GALNT17: variants seen among roughly 807,000 people sequenced by gnomAD.
The protein encoded by GALNT17 is polypeptide N-acetylgalactosaminyltransferase 17.
In GALNT17, 29 loss-of-function variants were observed where a neutral mutation model predicts 63.7. The ratio of observed to expected loss-of-function variants is 0.46; its 90% CI spans 0.34 to 0.62. The LOEUF is 0.62. GALNT17 is among the 20% of genes least tolerant of loss of function. The pLI, the probability that GALNT17 is intolerant of heterozygous loss-of-function variation, is 0.01. For missense variants in GALNT17, 603 were observed against 799.6 expected, an observed-to-expected ratio of 0.75 and a Z score of 2.97; for synonymous variants, 305 against 318.3, an observed-to-expected ratio of 0.96 and a Z score of 0.45.
intron 5 of GALNT17, among the ~76,000 whole-genome samples, chr7:71,452,830 G>C (rs764369389): frequency 1.3e-5 from 2 of 152,188 alleles, no homozygotes; most frequent in Middle Eastern, 3.4e-3. Flanking sequence ...TTGTTTTTTT[G>C]TTGTTGTTGT....
At chr7:71,164,723 A>C (rs944856105) in intron 1 of GALNT17, among the ~76,000 whole-genome samples, 8 of 152,198 alleles carry the variant, frequency 5.3e-5, no homozygotes, top group African/African-American at 1.9e-4. Context: ...GTGACAAGGT[A>C]CTTATTTTAT....
chr7:71,553,855 C>T (rs756791977), intron 5 of GALNT17, among the ~76,000 whole-genome samples: 3 of 152,210 alleles, frequency 2.0e-5, no homozygotes, highest in Admixed American at 6.5e-5. Flanking sequence ...TGTTAAGGGT[C>T]GCTCTTCCCC....
chr7:71,681,314 G>A (rs1791258404), intron 9 of GALNT17, among the ~76,000 whole-genome samples: 1 of 152,220 alleles, frequency 6.6e-6, no homozygotes, highest in African/African-American at 2.4e-5. Context: ...CTGGGGGTGG[G>A]AGAGGTGATA....
chr7:71,320,631 T>C (rs938717790), intron 1 of GALNT17, among the ~76,000 whole-genome samples: 12 of 152,096 alleles, frequency 7.9e-5, no homozygotes, highest in Non-Finnish European at 1.8e-4. Flanking sequence ...AAGAATTGGA[T>C]GTGTATTTAA....
At chr7:71,318,805 A>G (rs2115987913) in intron 1 of GALNT17, among the ~76,000 whole-genome samples, 1 of 152,282 alleles carries the variant, frequency 6.6e-6, no homozygotes, top group South Asian at 2.1e-4. Flanking sequence ...ATGTTCTGTA[A>G]TTCATGAAAC....
At chr7:71,569,815 A>G (rs1212704617) in intron 5 of GALNT17, among the ~76,000 whole-genome samples, 2 of 152,120 alleles carry the variant, frequency 1.3e-5, no homozygotes, top group African/African-American at 2.4e-5. Flanking sequence ...TGATTTTGCT[A>G]TTGTGAATAT....
intron 1 of GALNT17, among the ~76,000 whole-genome samples, chr7:71,334,279 G>A (rs1791859063): frequency 1.3e-5 from 2 of 152,210 alleles, no homozygotes; most frequent in Admixed American, 1.3e-4. Flanking sequence ...CACTACCGGA[G>A]CAGGTTTCCT....
chr7:71,182,247 G>A (rs1462777252), intron 1 of GALNT17, among the ~76,000 whole-genome samples: 1 of 152,230 alleles, frequency 6.6e-6, no homozygotes, highest in Admixed American at 6.5e-5. Context: ...TTCTGGTTCA[G>A]TAAGAGGTGG....
chr7:71,253,911 T>A (rs541500887), intron 1 of GALNT17, among the ~76,000 whole-genome samples: 1 of 152,226 alleles, frequency 6.6e-6, no homozygotes, highest in Admixed American at 6.5e-5. Flanking sequence ...AAGAGTCAAA[T>A]TCTGTAAGAT....
In GALNT17 at chr7:71,397,941, TTTGTTGTTG is replaced by T. The variant is rs111851668; in HGVS notation, c.589+9570_589+9578del. On this transcript the variant is annotated intron_variant, in intron 3 of 10. Coordinates refer to ENST00000333538, the MANE Select transcript of GALNT17 (RefSeq NM_022479.3). ...TTGATGGTTTTGCTCCATTATTGTC[TTTGTTGTTG>T]TTGTTGTTGTTGTTGTTGTTGTTGT... Among the ~76,000 whole-genome samples the T allele has an allele frequency of 8.8e-3, 1,323 of 150,728 alleles. 21 individuals carry two copies. The highest frequency in any genetic ancestry group is 0.028 in the African/African-American group (1,167 of 41,026).
intron 5 of GALNT17, among the ~76,000 whole-genome samples, chr7:71,530,779 AG>A (rs1007890634): frequency 3.0e-4 from 46 of 152,066 alleles, no homozygotes; most frequent in African/African-American, 1.1e-3. Flanking sequence ...TGTGTTAGCC[AG>A]GATGGTCTCG....
intron 1 of GALNT17, among the ~76,000 whole-genome samples, chr7:71,137,707 C>G (rs1585830391): frequency 6.6e-6 from 1 of 152,206 alleles, no homozygotes; most frequent in South Asian, 2.1e-4. Flanking sequence ...CTAGTCTTCA[C>G]CTTCCTGACT....
intron 5 of GALNT17, among the ~76,000 whole-genome samples, chr7:71,478,819 A>C (rs1352212224): frequency 1.3e-5 from 2 of 152,220 alleles, no homozygotes; most frequent in African/African-American, 4.8e-5. Flanking sequence ...AGAGACATTT[A>C]ACTTTGAAAG....
intron 5 of GALNT17, among the ~76,000 whole-genome samples, chr7:71,489,836 T>A (rs1787977265): frequency 1.3e-5 from 2 of 152,208 alleles, no homozygotes; most frequent in African/African-American, 4.8e-5. Flanking sequence ...CTCAATCTCC[T>A]GTATGGCTGG....
At chr7:71,289,360 A>C (rs538593622) in intron 1 of GALNT17, among the ~76,000 whole-genome samples, 1 of 152,128 alleles carries the variant, frequency 6.6e-6, no homozygotes, top group African/African-American at 2.4e-5. Context: ...AGATATATTT[A>C]TATGTAGTTT....
chr7:71,568,373 G>T (rs775053225), intron 5 of GALNT17, among the ~76,000 whole-genome samples: 1 of 152,160 alleles, frequency 6.6e-6, no homozygotes, highest in Non-Finnish European at 1.5e-5. Flanking sequence ...TTTGCATCTT[G>T]TGCTTGAGAC....
At chr7:71,599,868 G>A (rs1789940294) in intron 6 of GALNT17, among the ~76,000 whole-genome samples, 1 of 151,786 alleles carries the variant, frequency 6.6e-6, no homozygotes, top group South Asian at 2.1e-4. Flanking sequence ...TTTGGGCTAG[G>A]TAATGTCTTA....
chr7:71,600,128 G>A (rs544932302), intron 6 of GALNT17, among the ~76,000 whole-genome samples: 1 of 151,964 alleles, frequency 6.6e-6, no homozygotes, highest in Non-Finnish European at 1.5e-5. Context: ...AGTTTTGGGG[G>A]GCCCAAAATC....
At chr7:71,644,210 C>T (rs879750747) in intron 6 of GALNT17, among the ~76,000 whole-genome samples, 5 of 151,242 alleles carry the variant, frequency 3.3e-5, no homozygotes, top group East Asian at 1.9e-4. Context: ...GAGACCAGCC[C>T]GGGCAACATA....
Sources: allele counts gnomAD v4.1 joint callset (sites outside exome capture counted in the v4.1 genomes callset), GRCh38; gene constraint gnomAD v4.1.1; transcripts MANE v1.5; gene names NCBI Gene and HGNC (gene_info 2026-07-23, HGNC 2026-07-21).